Variants in SOX5 observed in about 807,000 individuals in gnomAD.
SOX5 encodes the protein transcription factor SOX-5.
Under a neutral mutation model 92.0 loss-of-function variants are expected in SOX5, and 9 were observed. The ratio of observed to expected loss-of-function variants is 0.10; its 90% CI spans 0.06 to 0.17. The LOEUF is 0.17. Among genes scored for constraint, SOX5 ranks in the 10% least tolerant of loss-of-function variants. SOX5 has a pLI of 1.00. For missense variants in SOX5, 642 were observed against 944.5 expected (o/e 0.68, Z 4.20); for synonymous variants, 344 against 336.3 (o/e 1.02, Z -0.25).
At chr12:23,761,548 A>T (rs767843391) in intron 3 of SOX5, among the ~76,000 whole-genome samples, 3 of 152,118 alleles carry the variant, frequency 2.0e-5, no homozygotes, top group Non-Finnish European at 2.9e-5. Flanking sequence ...TTTACAGACT[A>T]AAAAAGTACC....
intron 4 of SOX5, among the ~76,000 whole-genome samples, chr12:24,154,139 T>C (rs761699009): frequency 1.3e-5 from 2 of 152,094 alleles, no homozygotes; most frequent in Non-Finnish European, 2.9e-5. Flanking sequence ...AGGAGAGCAG[T>C]AGTAAACTAC....
At chr12:24,449,254 T>G (rs1596773671) in intron 1 of SOX5, among the ~76,000 whole-genome samples, 1 of 152,222 alleles carries the variant, frequency 6.6e-6, no homozygotes, top group East Asian at 1.9e-4. Flanking sequence ...TTCCTTACTC[T>G]GTGTTCTCGC....
intron 9 of SOX5, among the ~76,000 whole-genome samples, chr12:23,583,700 C>G (rs985624626): frequency 6.6e-6 from 1 of 152,122 alleles, no homozygotes; most frequent in African/African-American, 2.4e-5. Flanking sequence ...ACACCAGTTC[C>G]TCTTTTTAAC....
chr12:23,737,854 C>T (rs1485621842), intron 5 of SOX5, among the ~76,000 whole-genome samples: 1 of 152,224 alleles, frequency 6.6e-6, no homozygotes, highest in East Asian at 1.9e-4. Context: ...ACACTTCCTA[C>T]AGGTTTCTGC....
chr12:24,364,499 T>C (rs1395205714), intron 2 of SOX5, among the ~76,000 whole-genome samples: 1 of 127,698 alleles, frequency 7.8e-6, no homozygotes, highest in East Asian at 2.4e-4. Flanking sequence ...ACTGAACAAC[T>C]TAACATTTTT....
intron 4 of SOX5, among the ~76,000 whole-genome samples, chr12:23,977,252 A>C (rs550127745): frequency 6.6e-6 from 1 of 152,274 alleles, no homozygotes; most frequent in South Asian, 2.1e-4. Context: ...AAGGAAACAT[A>C]ATTTTGGAAT....
chr12:24,114,573 C>CAAAAAAAAAA (rs55913110), intron 4 of SOX5, among the ~76,000 whole-genome samples: 15 of 40,590 alleles, frequency 3.7e-4, no homozygotes, highest in South Asian at 1.5e-3. Flanking sequence ...CACCCCGTCA[C>CAAAAAAAAAA]AAAAAAAAAA....
At chr12:24,155,083 C>A (rs1047312804) in intron 4 of SOX5, among the ~76,000 whole-genome samples, 6 of 152,028 alleles carry the variant, frequency 3.9e-5, no homozygotes, top group African/African-American at 1.2e-4. Flanking sequence ...AAACAGGCAT[C>A]ATCGTACGCT....
At chr12:24,147,479 A>G (rs373993619) in intron 4 of SOX5, among the ~76,000 whole-genome samples, 8 of 152,344 alleles carry the variant, frequency 5.3e-5, no homozygotes, top group South Asian at 2.1e-4. Context: ...CACTACTTAA[A>G]TGTGAAAGAA....
At chr12:24,212,983 T>G (rs1375195414) in intron 4 of SOX5, among the ~76,000 whole-genome samples, 4 of 152,264 alleles carry the variant, frequency 2.6e-5, no homozygotes, top group Non-Finnish European at 4.4e-5. Context: ...TTTATTAACA[T>G]TCTACATGTT....
chr12:24,123,714 A>G (rs1948838182), intron 4 of SOX5, among the ~76,000 whole-genome samples: 1 of 152,246 alleles, frequency 6.6e-6, no homozygotes, highest in Non-Finnish European at 1.5e-5. Context: ...CCAGGAGTCG[A>G]CTATAAATCA....
At chr12:24,213,419 T>TAAAAAAAAAAAAAAAAAAAGAAAAAAA (rs1958856331) in intron 3 of SOX5, 1 of 96,864 alleles carries the variant, frequency 1.0e-5, no homozygotes, top group Non-Finnish European at 2.1e-5. Flanking sequence ...CTTGAAATGC[T>TAAAAAAAAAAAAAAAAAAAGAAAAAAA]AAAAAAAAAA....
chr12:23,912,043 A>G (rs1452302369), intron 1 of SOX5, among the ~76,000 whole-genome samples: 1 of 152,110 alleles, frequency 6.6e-6, no homozygotes, highest in Non-Finnish European at 1.5e-5. Flanking sequence ...ATACTTGCAA[A>G]TATATATCTG....
intron 4 of SOX5, among the ~76,000 whole-genome samples, chr12:24,069,021 G>A (rs934495164): frequency 6.6e-6 from 1 of 151,226 alleles, no homozygotes; most frequent in African/African-American, 2.4e-5. Flanking sequence ...ATTAAGCTCA[G>A]CAATTCAGAA....
At chr12:24,188,813 T>A (rs911376073) in intron 4 of SOX5, among the ~76,000 whole-genome samples, 1 of 152,124 alleles carries the variant, frequency 6.6e-6, no homozygotes, top group African/African-American at 2.4e-5. Context: ...GAATTACAGT[T>A]AAGAACAGGC....
chr12:24,015,698 A>C (rs1290029563), intron 4 of SOX5, among the ~76,000 whole-genome samples: 1 of 152,182 alleles, frequency 6.6e-6, no homozygotes, highest in East Asian at 1.9e-4. Context: ...AATACAATGC[A>C]ATAAGCATTA....
chr12:23,916,226 T>C (rs1277804352), intron 1 of SOX5, among the ~76,000 whole-genome samples: 3 of 152,226 alleles, frequency 2.0e-5, no homozygotes, highest in African/African-American at 7.2e-5. Context: ...AATGACCATG[T>C]TGTTCATCTA....
intron 4 of SOX5, among the ~76,000 whole-genome samples, chr12:24,060,647 T>C (rs562374084): frequency 6.4e-4 from 98 of 152,266 alleles, no homozygotes; most frequent in African/African-American, 2.2e-3. Flanking sequence ...GACCATACCC[T>C]AGCCAAAGAG....
chr12:23,632,375 G>A (rs758646088), intron 8 of SOX5, among the ~76,000 whole-genome samples: 1 of 152,114 alleles, frequency 6.6e-6, no homozygotes, highest in Non-Finnish European at 1.5e-5. Flanking sequence ...AAGTTTAACT[G>A]AGTAGTACAG....
Sources: gnomAD v4.1 joint callset for allele counts (sites outside exome capture counted in the v4.1 genomes callset) on GRCh38, gnomAD v4.1.1 for gene constraint, MANE v1.5 for transcripts, NCBI Gene and HGNC (gene_info 2026-07-23, HGNC 2026-07-21) for gene names.